UGGT2: variants seen among roughly 807,000 people sequenced by gnomAD.
The protein encoded by UGGT2 is UDP-glucose glycoprotein glucosyltransferase 2.
A neutral mutation model predicts 192.1 loss-of-function variants in UGGT2; 180 were observed. The ratio of observed to expected loss-of-function variants is 0.94; its 90% CI spans 0.83 to 1.06. UGGT2 has a LOEUF of 1.06. UGGT2 is among the 50% of genes least tolerant of loss of function. The probability of loss-of-function intolerance (pLI) is 0.00; values close to 1 mark genes in which losing one functional copy is unlikely to be tolerated. For missense variants in UGGT2, 1,849 were observed against 1,795.7 expected, an observed-to-expected ratio of 1.03 and a Z score of -0.54; for synonymous variants, 580 against 591.0, an observed-to-expected ratio of 0.98 and a Z score of 0.27.
chr13:96,007,232 A>G (rs991498497), intron 5 of UGGT2, among the ~76,000 whole-genome samples: 2 of 152,224 alleles, frequency 1.3e-5, no homozygotes, highest in African/African-American at 4.8e-5. Context: ...AAGGCATTTG[A>G]CAAAATTCAA....
chr13:95,929,250 T>C (rs2140456647), intron 17 of UGGT2, among the ~76,000 whole-genome samples: 1 of 152,332 alleles, frequency 6.6e-6, no homozygotes, highest in Admixed American at 6.5e-5. Context: ...CAATTTTAGA[T>C]GCAATTATGC....
intron 1 of UGGT2, among the ~76,000 whole-genome samples, chr13:96,039,025 T>C (rs2139190141): frequency 6.6e-6 from 1 of 152,078 alleles, no homozygotes; most frequent in South Asian, 2.1e-4. Context: ...ACACTCTAAT[T>C]CCCAAAGGAA....
At chr13:96,000,598 C>T (rs2051768404) in intron 5 of UGGT2, among the ~76,000 whole-genome samples, 1 of 152,172 alleles carries the variant, frequency 6.6e-6, no homozygotes, top group Non-Finnish European at 1.5e-5. Context: ...TTTTGAATAT[C>T]TAGTCAAAAG....
intron 36 of UGGT2, among the ~76,000 whole-genome samples, chr13:95,840,304 A>C (rs1001627395): frequency 6.6e-6 from 1 of 152,150 alleles, no homozygotes; most frequent in Admixed American, 6.5e-5. Context: ...CATCTGACAA[A>C]GGGCTAATAT....
chr13:95,995,552 C>G (rs2051591806), intron 7 of UGGT2, among the ~76,000 whole-genome samples: 1 of 151,910 alleles, frequency 6.6e-6, no homozygotes, highest in African/African-American at 2.4e-5. Flanking sequence ...TATACTTTAT[C>G]AACTATTTTC....
intron 12 of UGGT2, among the ~76,000 whole-genome samples, chr13:95,955,753 T>C (rs1238349048): frequency 6.6e-6 from 1 of 152,194 alleles, no homozygotes; most frequent in South Asian, 2.1e-4. Context: ...GGCTGCTGCA[T>C]ATTATTGTTC....
At chr13:95,823,855 GTTTTTTA>G (rs537861402) in intron 38 of UGGT2, among the ~76,000 whole-genome samples, 2 of 152,070 alleles carry the variant, frequency 1.3e-5, no homozygotes, top group East Asian at 1.9e-4. Flanking sequence ...GGCTCTGTGA[GTTTTTTA>G]TTTTTTATTT....
chr13:95,956,383 C>A (rs1031598276), intron 12 of UGGT2, among the ~76,000 whole-genome samples: 1 of 152,126 alleles, frequency 6.6e-6, no homozygotes, highest in South Asian at 2.1e-4. Flanking sequence ...AGGCAACCTA[C>A]AGAATGGGAA....
intron 20 of UGGT2, among the ~76,000 whole-genome samples, chr13:95,914,141 A>C (rs2048599295): frequency 6.6e-6 from 1 of 152,058 alleles, no homozygotes; most frequent in African/African-American, 2.4e-5. Flanking sequence ...AGACATACCT[A>C]ATGTAAATGA....
chr13:95,818,738 T>C (rs3848078), intron 38 of UGGT2, among the ~76,000 whole-genome samples: 55,351 of 151,876 alleles, frequency 0.36, 13,107 homozygotes, highest in African/African-American at 0.66. Context: ...GCTCAGGCTG[T>C]GGGTACAGAG....
chr13:95,860,690 G>GT (rs1249603487), intron 32 of UGGT2, 98 bp downstream of exon 32: 11,341 of 587,196 alleles, frequency 0.019, no homozygotes, highest in Middle Eastern at 0.026. Flanking sequence ...AGAGGTGGGA[G>GT]TTTTTTTTTT....
At chr13:95,898,990 G>C (rs553778432) in intron 22 of UGGT2, among the ~76,000 whole-genome samples, 1 of 152,204 alleles carries the variant, frequency 6.6e-6, no homozygotes, top group Non-Finnish European at 1.5e-5. Context: ...TGGCCAGTGC[G>C]ATAGCACTGA....
chr13:95,834,369 A>T (rs987476060), intron 37 of UGGT2, among the ~76,000 whole-genome samples: 1 of 152,026 alleles, frequency 6.6e-6, no homozygotes, highest in Non-Finnish European at 1.5e-5. Context: ...TGCTACTGCC[A>T]TCTAGTGGAC....
chr13:95,986,925 A>G (rs1168326525), intron 8 of UGGT2, among the ~76,000 whole-genome samples: 1 of 152,166 alleles, frequency 6.6e-6, no homozygotes, highest in African/African-American at 2.4e-5. Context: ...TTTATCTGAT[A>G]TGACAATCCT....
chr13:95,836,655 A>C (rs920533309), intron 37 of UGGT2, among the ~76,000 whole-genome samples: 4 of 152,204 alleles, frequency 2.6e-5, no homozygotes, highest in African/African-American at 9.6e-5. Context: ...GGGGTTTCTA[A>C]TAAATGTCCT....
In UGGT2 at chr13:95,940,840, GC is replaced by G. The variant is rs540478804; in HGVS notation, c.1678-750del. ...ACACCTGGGCTCAAGCAATCTACCT[GC>G]CTCGGCCTCCCAAATAGTTGAGACT... On this transcript the variant is annotated intron_variant, in intron 15 of 38. Coordinates refer to ENST00000376747, the MANE Select transcript of UGGT2 (RefSeq NM_020121.4). Among the ~76,000 whole-genome samples, 160 of 152,182 alleles carry G rather than the reference GC, an allele frequency of 1.1e-3. 1 individual carries two copies. The highest frequency in any genetic ancestry group is 3.7e-3 in the African/African-American group (154 of 41,520).
intron 7 of UGGT2, chr13:95,991,424 G>A (rs1427975237): frequency 4.4e-6 from 2 of 451,498 alleles, no homozygotes; most frequent in South Asian, 1.6e-5. Flanking sequence ...TAACTGGTGT[G>A]AGATGGTGTC....
At chr13:95,854,551 T>C (rs968005069) in intron 34 of UGGT2, 76 bp from the exon 35 acceptor site, 13 of 1,285,068 alleles carry the variant, frequency 1.0e-5, no homozygotes, top group South Asian at 1.7e-5. Flanking sequence ...TCTCAAATCA[T>C]TATTACTCTA....
intron 36 of UGGT2, among the ~76,000 whole-genome samples, chr13:95,845,424 C>T (rs568153110): frequency 5.9e-5 from 8 of 134,632 alleles, no homozygotes; most frequent in South Asian, 5.3e-4. Flanking sequence ...CATCTTGCAC[C>T]GCCCTTAATC....
Sources: allele counts gnomAD v4.1 joint callset (sites outside exome capture counted in the v4.1 genomes callset), GRCh38; gene constraint gnomAD v4.1.1; transcripts MANE v1.5; gene names NCBI Gene and HGNC (gene_info 2026-07-23, HGNC 2026-07-21).